Variants in KIF26B observed in about 807,000 individuals in gnomAD.
KIF26B encodes kinesin-like protein KIF26B.
A neutral mutation model predicts 151.2 loss-of-function variants in KIF26B; 63 were observed. The observed-to-expected ratio is 0.42, with a 90% CI of 0.34 to 0.51. The LOEUF (loss-of-function observed/expected upper bound fraction) is 0.51, where lower values mean the gene tolerates loss of function less well. KIF26B is among the 20% of genes least tolerant of loss of function. KIF26B has a pLI of 0.07. For synonymous variants in KIF26B, 1,357 were observed against 1,262.1 expected, an observed-to-expected ratio of 1.08 and a Z score of -1.59; for missense variants, 2,813 against 2,913.6, an observed-to-expected ratio of 0.97 and a Z score of 0.79.
In KIF26B at chr1:245,606,731, T is replaced by A. The variant is rs2043458691; in HGVS notation, c.1558-920T>A. Among the ~76,000 whole-genome samples the A allele has an allele frequency of 6.6e-6, 1 of 152,156 alleles. No homozygotes were observed. Among genetic ancestry groups the A allele is most frequent in the African/African-American group, 2.4e-5 (1 of 41,422 alleles). On this transcript the variant is annotated intron_variant, in intron 6 of 14. Coordinates refer to ENST00000407071, the MANE Select transcript of KIF26B (RefSeq NM_018012.4). The surrounding 1 kb of genome is among the most constrained non-coding windows in gnomAD (Gnocchi z 4.6). ...GGTGACTGATACTCTATATGTTGAA[T>A]GTATCTGTAGCAAAAGGAAGAAAAG...
intron 2 of KIF26B, among the ~76,000 whole-genome samples, chr1:245,328,502 G>A (rs936567252): frequency 6.6e-6 from 1 of 152,200 alleles, no homozygotes; most frequent in Non-Finnish European, 1.5e-5. Flanking sequence ...CTGAATGCCT[G>A]TGTATTTGCT....
intron 3 of KIF26B, among the ~76,000 whole-genome samples, chr1:245,413,142 T>TA: frequency 6.6e-6 from 1 of 152,306 alleles, no homozygotes; most frequent in African/African-American, 2.4e-5. Flanking sequence ...AGCTTGTGAT[T>TA]AGGACCACCC....
At chr1:245,330,370 A>G (rs1672074896) in intron 2 of KIF26B, among the ~76,000 whole-genome samples, 1 of 53,476 alleles carries the variant, frequency 1.9e-5, no homozygotes, top group Non-Finnish European at 3.1e-5. Flanking sequence ...ATGGACAGGC[A>G]GGCTGGTGCA....
chr1:245,385,545 G>A (rs1446978783), intron 3 of KIF26B, among the ~76,000 whole-genome samples: 2 of 152,176 alleles, frequency 1.3e-5, no homozygotes, highest in Non-Finnish European at 2.9e-5. Flanking sequence ...CACTGGGAGG[G>A]CAGCTCAGGA....
At chr1:245,499,660 G>C (rs1660581379) in intron 4 of KIF26B, among the ~76,000 whole-genome samples, 1 of 152,234 alleles carries the variant, frequency 6.6e-6, no homozygotes, top group African/African-American at 2.4e-5. Context: ...GGGACAGAGA[G>C]GCAAAGTGAG....
intron 3 of KIF26B, among the ~76,000 whole-genome samples, chr1:245,412,302 A>C (rs1558155739): frequency 6.6e-6 from 1 of 152,320 alleles, no homozygotes; most frequent in Middle Eastern, 3.4e-3. Context: ...TGTAAGAGAA[A>C]ATGTTATTAA....
intron 4 of KIF26B, among the ~76,000 whole-genome samples, chr1:245,532,309 G>A (rs1472955401): frequency 3.4e-5 from 5 of 145,472 alleles, no homozygotes; most frequent in East Asian, 2.0e-4. Flanking sequence ...GCAGTGGCGC[G>A]ATCTCGGCTC....
chr1:245,224,192 G>A (rs1669829800), intron 2 of KIF26B, among the ~76,000 whole-genome samples: 2 of 152,126 alleles, frequency 1.3e-5, no homozygotes, highest in Non-Finnish European at 2.9e-5. Context: ...GGCTGAGGCA[G>A]GAGAATCGCT....
intron 2 of KIF26B, among the ~76,000 whole-genome samples, chr1:245,333,890 C>T (rs927828390): frequency 2.6e-5 from 4 of 152,084 alleles, no homozygotes; most frequent in African/African-American, 7.2e-5. Context: ...GCCAGCTACT[C>T]GGGAGGCTGA....
chr1:245,504,187 C>T (rs898616458), intron 4 of KIF26B, among the ~76,000 whole-genome samples: 5 of 152,110 alleles, frequency 3.3e-5, no homozygotes, highest in Non-Finnish European at 5.9e-5. Flanking sequence ...GGGAGCTTTA[C>T]ATCACCCATT....
chr1:245,652,642 G>T (rs977802674), intron 10 of KIF26B, among the ~76,000 whole-genome samples: 1 of 152,272 alleles, frequency 6.6e-6, no homozygotes, highest in Admixed American at 6.5e-5. Flanking sequence ...AGGGAGAAAT[G>T]ACACCGTCTG....
intron 2 of KIF26B, among the ~76,000 whole-genome samples, chr1:245,168,163 G>A (rs1447029603): frequency 6.6e-6 from 1 of 152,220 alleles, no homozygotes; most frequent in Admixed American, 6.5e-5. Flanking sequence ...AGTCCACTCC[G>A]TGAACCCAGA....
At chr1:245,543,121 T>C (rs1661661897) in intron 5 of KIF26B, among the ~76,000 whole-genome samples, 1 of 152,090 alleles carries the variant, frequency 6.6e-6, no homozygotes, top group African/African-American at 2.4e-5. Context: ...TGTGGATGCA[T>C]CTTCAGGTGG....
chr1:245,611,317 T>G (rs1391681079), intron 8 of KIF26B, among the ~76,000 whole-genome samples: 1 of 152,228 alleles, frequency 6.6e-6, no homozygotes, highest in African/African-American at 2.4e-5. Flanking sequence ...CTAACCAAGT[T>G]TTTTTACATC....
At chr1:245,464,576 T>G (rs1202439852) in intron 4 of KIF26B, among the ~76,000 whole-genome samples, 1 of 139,920 alleles carries the variant, frequency 7.1e-6, no homozygotes. Flanking sequence ...TGTGTGGGTG[T>G]GTGTGCACGT....
chr1:245,464,956 G>T (rs554653421), intron 4 of KIF26B, among the ~76,000 whole-genome samples: 7 of 151,532 alleles, frequency 4.6e-5, no homozygotes, highest in Non-Finnish European at 1.0e-4. Context: ...GCACCCAGCC[G>T]CAGATTACCT....
intron 2 of KIF26B, among the ~76,000 whole-genome samples, chr1:245,243,451 C>CACAT (rs1305495727): frequency 1.4e-5 from 2 of 142,200 alleles, no homozygotes; most frequent in Non-Finnish European, 3.2e-5. Flanking sequence ...TATATATACA[C>CACAT]ACACACACAC....
In KIF26B at chr1:245,540,529, A is replaced by G; in HGVS notation, c.1167-238A>G. On this transcript the variant is annotated intron_variant, in intron 4 of 14. Transcript: ENST00000407071. This position sits in a 1 kb window ranked among gnomAD's most constrained non-coding sequence, Gnocchi z 4.6. The stretch of plus-strand genomic sequence containing the variant: ...AACACATCATTCTTTGTAAATCGTG[A>G]TTGCAGAATCCTGCTATTTTATGGC... 1.4e-6 allele frequency: 1 copy of G among 692,480 alleles called. No individual in the cohort carries two copies. Among genetic ancestry groups the G allele is most frequent in the East Asian group, 2.8e-5 (1 of 36,332 alleles). 42.9% of individuals were successfully genotyped at this position (692,480 alleles called of 1,614,324 possible).
intron 4 of KIF26B, among the ~76,000 whole-genome samples, chr1:245,506,235 A>T (rs12568119): frequency 2.0e-5 from 3 of 151,872 alleles, no homozygotes; most frequent in South Asian, 4.1e-4. Context: ...TGTCACAGAC[A>T]CTCCTGTGTT....
Sources: gnomAD v4.1 joint callset for allele counts (sites outside exome capture counted in the v4.1 genomes callset) on GRCh38, gnomAD v4.1.1 for gene constraint, Gnocchi (gnomAD v3.1) non-coding constraint, MANE v1.5 for transcripts, NCBI Gene and HGNC (gene_info 2026-07-23, HGNC 2026-07-21) for gene names.